ANK3: variants seen among roughly 807,000 people sequenced by gnomAD.
ANK3 encodes the protein ankyrin 3.
ANK3 carries 57 observed loss-of-function variants against 370.9 expected under a neutral mutation model. That is an observed-to-expected ratio of 0.15 (90% confidence interval 0.12 to 0.19). The LOEUF is 0.19. Ranked by LOEUF, ANK3 falls within the 10% of genes least tolerant of loss-of-function variation. ANK3 has a pLI of 1.00. For synonymous variants in ANK3, 1,929 were observed against 1,946.3 expected, an observed-to-expected ratio of 0.99 and a Z score of 0.23; for missense variants, 4,439 against 5,302.1, an observed-to-expected ratio of 0.84 and a Z score of 5.06.
chr10:60,065,056 C>T (rs2081366914), intron 38 of ANK3, among the ~76,000 whole-genome samples: 2 of 152,116 alleles, frequency 1.3e-5, no homozygotes, highest in African/African-American at 4.8e-5. Context: ...CATAATATGC[C>T]ACCCTCTATG....
chr10:60,080,596 TGTC>T lies in ANK3; in HGVS notation c.4370_4372del (p.Arg1457del). On this transcript the variant is annotated inframe_deletion, in exon 36 of 44. Transcript: ENST00000280772. ...ACGTAAAGCTAAGGATGCGAAGCTC[TGTC>T]GTCTATCTGTTTTCTCAATCTGAAA... The T allele has an allele frequency of 6.2e-7, 1 of 1,601,878 alleles. No individual in the cohort carries two copies. The highest frequency in any genetic ancestry group is 8.5e-7 in the Non-Finnish European group (1 of 1,177,160).
At position 60,372,437 on chromosome 10, in the gene ANK3, C is replaced by CAT. The variant is rs534048613; in HGVS notation, c.114+16987_114+16988insAT. ...GAAGACCAGCTAAAGAAACAGGGAG[C>CAT]GTTTAACTTGAAGAGAAGCAGCAGC... On this transcript the variant is annotated intron_variant, in intron 1 of 43. Coordinates refer to ENST00000280772, the MANE Select transcript of ANK3 (RefSeq NM_020987.5). Among the ~76,000 whole-genome samples, 642 of 152,032 alleles carry CAT rather than the reference C, an allele frequency of 4.2e-3. 7 individuals carry two copies. Among genetic ancestry groups the CAT allele is most frequent in the African/African-American group, 0.014 (594 of 41,468 alleles).
intron 42 of ANK3, chr10:60,053,665 G>C (rs757663762): frequency 2.3e-6 from 3 of 1,302,492 alleles, no homozygotes; most frequent in Non-Finnish European, 3.0e-6. Context: ...GTGGAAAATA[G>C]CAGAATTTTA....
chr10:60,201,752 C>G (rs1188226205), intron 12 of ANK3, among the ~76,000 whole-genome samples: 2 of 148,844 alleles, frequency 1.3e-5, no homozygotes, highest in Admixed American at 1.4e-4. Context: ...CACTCTGTTG[C>G]CCAGTCTAGA....
chr10:60,234,283 AT>A (rs2097296226), intron 8 of ANK3, among the ~76,000 whole-genome samples: 1 of 151,906 alleles, frequency 6.6e-6, no homozygotes, highest in African/African-American at 2.4e-5. Context: ...TCTATTTTTA[AT>A]TTTTTTTGAG....
At chr10:60,097,236 G>A (rs1329446483) in intron 28 of ANK3, among the ~76,000 whole-genome samples, 3 of 152,156 alleles carry the variant, frequency 2.0e-5, no homozygotes, top group Non-Finnish European at 4.4e-5. Flanking sequence ...CTAGGAAAGG[G>A]GTGTTGGAAA....
rs117213359 is a variant in ANK3 at position 60,285,417 on chromosome 10, C to A, written c.115-5778G>T. ...TCTCTCACTAATCAATACTGTCTCT[C>A]TGTATAAAATCACCAATGACCTTCC... On this transcript the variant is annotated intron_variant, in intron 1 of 43. Coordinates refer to ENST00000280772, the MANE Select transcript of ANK3 (RefSeq NM_020987.5). 6.5e-4 allele frequency among the ~76,000 whole-genome samples: 99 copies of A among 152,288 alleles called. 1 individual carries two copies. In the East Asian group the frequency reaches 0.018, roughly 28 times the overall value.
At chr10:60,144,085 C>T (rs2094697049) in intron 23 of ANK3, 1 of 304,932 alleles carries the variant, frequency 3.3e-6, no homozygotes, top group Admixed American at 5.0e-5. Context: ...GGTCATGTTC[C>T]TCCACCTCAG....
At chr10:60,701,904 A>C (rs531470609) in intron 1 of ANK3, among the ~76,000 whole-genome samples, 30 of 152,338 alleles carry the variant, frequency 2.0e-4, no homozygotes, top group African/African-American at 7.0e-4. Context: ...AGGAAATAAG[A>C]TAGAAGGAAG....
intron 17 of ANK3, among the ~76,000 whole-genome samples, chr10:60,184,631 T>C (rs748206700): frequency 4.6e-5 from 7 of 152,206 alleles, no homozygotes; most frequent in Admixed American, 6.5e-5. Context: ...TTTGAGTCTT[T>C]AGAATTCCTT....
At chr10:60,338,201 T>C (rs2053464100) in intron 1 of ANK3, among the ~76,000 whole-genome samples, 1 of 152,164 alleles carries the variant, frequency 6.6e-6, no homozygotes, top group Non-Finnish European at 1.5e-5. Flanking sequence ...AACAGTTAAC[T>C]AGTATAAAGA....
intron 8 of ANK3, among the ~76,000 whole-genome samples, chr10:60,224,036 G>A (rs771252868): frequency 1.3e-5 from 2 of 151,736 alleles, no homozygotes; most frequent in Non-Finnish European, 2.9e-5. Context: ...ATGAGCTGGA[G>A]ACCAAAAAGC....
chr10:60,249,051 T>C (rs1048957342), intron 7 of ANK3, among the ~76,000 whole-genome samples: 2 of 152,226 alleles, frequency 1.3e-5, no homozygotes, highest in Non-Finnish European at 2.9e-5. Flanking sequence ...ATGGTTTTTC[T>C]TTATATTTCT....
intron 43 of ANK3, 29 bp downstream of exon 43, chr10:60,042,643 C>G: frequency 6.3e-7 from 1 of 1,587,098 alleles, no homozygotes; most frequent in South Asian, 1.1e-5. Context: ...AATTTAAGTC[C>G]TACTGTTGTT....
intron 42 of ANK3, among the ~76,000 whole-genome samples, chr10:60,045,436 T>C (rs1014044805): frequency 5.3e-5 from 8 of 152,216 alleles, no homozygotes; most frequent in Admixed American, 6.5e-5. Context: ...AGCTCTATGA[T>C]TGTATAACAC....
chr10:60,269,569 C>T (rs112257704), intron 5 of ANK3, among the ~76,000 whole-genome samples: 16,163 of 151,694 alleles, frequency 0.11, 1,129 homozygotes, highest in Non-Finnish European at 0.16. Context: ...TGCTTGAACC[C>T]GGGAGGCGGA....
At chr10:60,318,611 A>C (rs539809647) in intron 1 of ANK3, among the ~76,000 whole-genome samples, 8 of 152,300 alleles carry the variant, frequency 5.3e-5, no homozygotes, top group African/African-American at 1.9e-4. Context: ...TGGGAAGCAG[A>C]GTGCAAATTG....
At chr10:60,587,625 A>T (rs967415660) in intron 2 of ANK3, among the ~76,000 whole-genome samples, 18 of 152,192 alleles carry the variant, frequency 1.2e-4, no homozygotes, top group Non-Finnish European at 1.8e-4. Context: ...GGCATCAAAA[A>T]CAGTAATAGA....
chr10:60,394,430 T>G (rs2063174006), upstream of ANK3, among the ~76,000 whole-genome samples: 2 of 152,088 alleles, frequency 1.3e-5, no homozygotes, highest in African/African-American at 2.4e-5. Context: ...AGCACTGGCC[T>G]TGGTGCCATC....
Sources: allele counts gnomAD v4.1 joint callset (sites outside exome capture counted in the v4.1 genomes callset), GRCh38; gene constraint gnomAD v4.1.1; transcripts MANE v1.5; gene names NCBI Gene and HGNC (gene_info 2026-07-23, HGNC 2026-07-21).